Variants in PLCH1 observed in about 807,000 individuals in gnomAD.
PLCH1 encodes phospholipase C eta 1, also known as 1-phosphatidylinositol 4,5-bisphosphate phosphodiesterase eta-1.
PLCH1 carries 60 observed loss-of-function variants against 126.7 expected under a neutral mutation model. The ratio of observed to expected loss-of-function variants is 0.47; its 90% CI spans 0.38 to 0.59. The LOEUF (loss-of-function observed/expected upper bound fraction) is 0.59, where lower values mean the gene tolerates loss of function less well. Ranked by LOEUF, PLCH1 falls within the 20% of genes least tolerant of loss-of-function variation. The probability of loss-of-function intolerance (pLI) is 0.00; values close to 1 mark genes in which losing one functional copy is unlikely to be tolerated. For synonymous variants in PLCH1, 719 were observed against 734.9 expected (o/e 0.98, Z 0.35); for missense variants, 1,723 against 2,040.0 (o/e 0.84, Z 2.99).
chr3:155,734,921 G>C (rs1037976517), intron 1 of PLCH1, among the ~76,000 whole-genome samples: 1 of 152,054 alleles, frequency 6.6e-6, no homozygotes, highest in Non-Finnish European at 1.5e-5. Flanking sequence ...ATATTAGCCA[G>C]GATGGTCTCG....
chr3:155,627,839 C>T (rs1417134082), intron 2 of PLCH1, among the ~76,000 whole-genome samples: 2 of 150,846 alleles, frequency 1.3e-5, no homozygotes, highest in African/African-American at 2.4e-5. Context: ...ACAATCTTGG[C>T]TCACTGCAAC....
intron 2 of PLCH1, among the ~76,000 whole-genome samples, chr3:155,600,142 A>G (rs1245184521): frequency 6.6e-6 from 1 of 152,194 alleles, no homozygotes; most frequent in Non-Finnish European, 1.5e-5. Flanking sequence ...TTCCCAAACA[A>G]GATAGTTGAC....
At chr3:155,486,540 CGG>C (rs1715173846) in intron 21 of PLCH1, among the ~76,000 whole-genome samples, 1 of 114,728 alleles carries the variant, frequency 8.7e-6, no homozygotes, top group Admixed American at 1.1e-4. Context: ...TTTTTTGAGA[CGG>C]AGTCTCGCTC....
chr3:155,529,651 CA>C (rs1722400711), intron 10 of PLCH1, among the ~76,000 whole-genome samples: 1 of 152,176 alleles, frequency 6.6e-6, no homozygotes, highest in Non-Finnish European at 1.5e-5. Context: ...GAACCTTTGG[CA>C]AATTGTAATC....
At chr3:155,627,984 C>A (rs147009345) in intron 2 of PLCH1, among the ~76,000 whole-genome samples, 2,603 of 152,030 alleles carry the variant, frequency 0.017, 32 homozygotes, top group South Asian at 0.027. Context: ...CCAGGTTGAT[C>A]TCGAACTCCT....
intron 1 of PLCH1, among the ~76,000 whole-genome samples, chr3:155,718,261 CACA>C (rs1380621200): frequency 6.6e-6 from 1 of 152,184 alleles, no homozygotes; most frequent in African/African-American, 2.4e-5. Context: ...CCATTTTGGT[CACA>C]ACAATTTAAC....
At chr3:155,474,236 A>T (rs1350774287) in intron 21 of PLCH1, among the ~76,000 whole-genome samples, 2 of 149,152 alleles carry the variant, frequency 1.3e-5, no homozygotes, top group Admixed American at 6.7e-5. Flanking sequence ...ACAAGAAAAA[A>T]ACAAACAACC....
intron 2 of PLCH1, among the ~76,000 whole-genome samples, chr3:155,700,251 G>A (rs1327214153): frequency 6.6e-6 from 1 of 152,138 alleles, no homozygotes; most frequent in African/African-American, 2.4e-5. Context: ...TAGGTCTGTG[G>A]CCAGGAAGGG....
At chr3:155,451,043 C>A (rs1457967505) in intron 21 of PLCH1, among the ~76,000 whole-genome samples, 1 of 151,970 alleles carries the variant, frequency 6.6e-6, no homozygotes, top group Non-Finnish European at 1.5e-5. Flanking sequence ...ATGCCCAAAT[C>A]TATGACAAGT....
chr3:155,698,719 C>T (rs564917356), intron 2 of PLCH1, among the ~76,000 whole-genome samples: 1 of 152,180 alleles, frequency 6.6e-6, no homozygotes, highest in Non-Finnish European at 1.5e-5. Flanking sequence ...CCAGTGGGAA[C>T]CCCTACAAAG....
chr3:155,714,476 G>A (rs529038508), intron 1 of PLCH1, among the ~76,000 whole-genome samples: 1 of 152,178 alleles, frequency 6.6e-6, no homozygotes, highest in Non-Finnish European at 1.5e-5. Flanking sequence ...GGTTGTTAAA[G>A]GCCTCTGCAA....
chr3:155,577,932 T>C lies in PLCH1; in HGVS notation c.771+5540A>G, dbSNP rs1038200921. Among the ~76,000 whole-genome samples, 78 of 152,232 alleles carry C rather than the reference T, an allele frequency of 5.1e-4. 1 individual carries two copies. Among genetic ancestry groups the C allele is most frequent in the African/African-American group, 1.9e-3 (77 of 41,462 alleles). On this transcript the variant is annotated intron_variant, in intron 6 of 22. Coordinates refer to ENST00000460012, the MANE Select transcript of PLCH1 (RefSeq NM_014996.4). ...GGGCAAAGGACTTTCCTGTTCATCA[T>C]TGCAATGTTCAATTTGACACTGTGA...
intron 18 of PLCH1, among the ~76,000 whole-genome samples, chr3:155,491,531 G>T (rs1230611489): frequency 6.6e-6 from 1 of 152,116 alleles, no homozygotes; most frequent in Non-Finnish European, 1.5e-5. Context: ...TCAAAGTGCT[G>T]GGATTATAAA....
intron 4 of PLCH1, among the ~76,000 whole-genome samples, chr3:155,590,611 G>A (rs1416047782): frequency 3.3e-5 from 5 of 149,746 alleles, no homozygotes; most frequent in Non-Finnish European, 4.4e-5. Flanking sequence ...TTAGCCTGGC[G>A]TGGTGGCGGG....
Position 155,480,969 on chromosome 3 carries a change from C to A in PLCH1, c.5057G>T (p.Ter1686LeuextTer3). Residue 1686 changes from the stop codon to leucine (L), a stop_lost, in exon 23 of 23, where the codon TGA (stop) becomes TTA (leucine). Transcript: ENST00000460012. Reference protein sequence around the residue: ...KPEIYFLLRL* With the variant: ...KPEIYFLLRLL ...CTTAAGAATGCAGTTTTAAATAATTCACAGTCTCAAAAGAAAATAAATTTC... is the reference window on the plus strand; with the variant it reads ...CTTAAGAATGCAGTTTTAAATAATTAACAGTCTCAAAAGAAAATAAATTTC... The A allele has an allele frequency of 6.4e-7, 1 of 1,572,470 alleles. No homozygotes were observed. The highest frequency in any genetic ancestry group is 8.7e-7 in the Non-Finnish European group (1 of 1,154,534).
intron 2 of PLCH1, among the ~76,000 whole-genome samples, chr3:155,605,873 C>T (rs1000208656): frequency 1.2e-4 from 19 of 152,044 alleles, no homozygotes; most frequent in Admixed American, 7.9e-4. Flanking sequence ...AAAAACAACT[C>T]GCCCTCCCTT....
chr3:155,478,274 G>A (rs919333768), downstream of PLCH1, among the ~76,000 whole-genome samples: 19 of 152,082 alleles, frequency 1.2e-4, no homozygotes, highest in African/African-American at 3.6e-4. Flanking sequence ...GAGTAGGGAG[G>A]TGAAGATGGC....
At position 155,738,770 on chromosome 3, in the gene PLCH1, G is replaced by C. The variant is rs144029760; in HGVS notation, c.-41+6070C>G. 5.4e-3 allele frequency among the ~76,000 whole-genome samples: 811 copies of C among 149,696 alleles called. 10 individuals carry two copies. Among genetic ancestry groups the C allele is most frequent in the South Asian group, 0.033 (154 of 4,710 alleles). ...CCACTGCACTCCAGCCTGGACAACAGAGCGAGACTCCACCTCCAAAAAAAA... is the reference window on the plus strand; with the variant it reads ...CCACTGCACTCCAGCCTGGACAACACAGCGAGACTCCACCTCCAAAAAAAA... On this transcript the variant is annotated intron_variant, in intron 1 of 22. Coordinates refer to ENST00000460012, the MANE Select transcript of PLCH1 (RefSeq NM_014996.4).
At chr3:155,489,977 A>G (rs915863409) in intron 19 of PLCH1, among the ~76,000 whole-genome samples, 2 of 152,222 alleles carry the variant, frequency 1.3e-5, no homozygotes, top group African/African-American at 4.8e-5. Context: ...CTAAAAAAAG[A>G]AAGAAGAATC....
Sources: gnomAD v4.1 joint callset for allele counts (sites outside exome capture counted in the v4.1 genomes callset) on GRCh38, gnomAD v4.1.1 for gene constraint, MANE v1.5 for transcripts, NCBI Gene and HGNC (gene_info 2026-07-23, HGNC 2026-07-21) for gene names.